PRRG4: variants seen among roughly 807,000 people sequenced by gnomAD.
PRRG4 encodes the protein transmembrane gamma-carboxyglutamic acid protein 4.
PRRG4 carries 12 observed loss-of-function variants against 20.0 expected under a neutral mutation model. That is an observed-to-expected ratio of 0.60 (90% CI 0.38 to 0.97). The LOEUF (loss-of-function observed/expected upper bound fraction) is 0.97, where lower values mean the gene tolerates loss of function less well. Ranked by LOEUF, PRRG4 falls within the 50% of genes least tolerant of loss-of-function variation. The pLI is 0.00. For missense variants in PRRG4, 199 were observed against 265.1 expected (o/e 0.75, Z 1.73); for synonymous variants, 94 against 96.4 (o/e 0.98, Z 0.15).
chr11:32,839,033 C>T (rs190432598), intron 4 of PRRG4, 103 bp downstream of exon 4: 632 of 760,308 alleles, frequency 8.3e-4, no homozygotes, highest in Non-Finnish European at 1.2e-3. Context: ...AACATACATA[C>T]CTTATAAATC....
At chr11:32,830,322 G>T in intron 1 of PRRG4, 149 bp downstream of exon 1, 1 of 852,346 alleles carries the variant, frequency 1.2e-6, no homozygotes, top group South Asian at 3.6e-5. Context: ...TGGGCACGGC[G>T]TTTGTCCCAG....
chr11:32,851,601 A>G (rs1177064046), intron 5 of PRRG4, among the ~76,000 whole-genome samples: 1 of 152,166 alleles, frequency 6.6e-6, no homozygotes, highest in Non-Finnish European at 1.5e-5. Context: ...TCCAATTCAG[A>G]TCTCATTATT....
rs1273512273 is a variant in PRRG4, at chr11:32,843,209, T to C, written c.449+2970T>C. On this transcript the variant is annotated intron_variant, in intron 5 of 5. Transcript: ENST00000257836. ...TAATTGCTTAAAAAATCATTTCCAT[T>C]GTGATAAGAGCATCTGAAAATGTGC... Among the ~76,000 whole-genome samples, 3 of 152,136 alleles carry C rather than the reference T, an allele frequency of 2.0e-5. No individual in the cohort carries two copies. The East Asian group carries it at 5.8e-4, about 29-fold the overall frequency.
At chr11:32,852,947 T>C (rs1851196407) in intron 5 of PRRG4, among the ~76,000 whole-genome samples, 1 of 144,542 alleles carries the variant, frequency 6.9e-6, no homozygotes, top group South Asian at 2.2e-4. Flanking sequence ...TAATTTTTTT[T>C]TTTTTTTTTT....
At chr11:32,843,324 A>T (rs913337439) in intron 5 of PRRG4, among the ~76,000 whole-genome samples, 1 of 152,114 alleles carries the variant, frequency 6.6e-6, no homozygotes, top group African/African-American at 2.4e-5. Flanking sequence ...TTCAAATATT[A>T]TAGAAAGGTA....
intron 4 of PRRG4, among the ~76,000 whole-genome samples, chr11:32,839,144 A>G (rs950046742): frequency 3.3e-5 from 5 of 152,222 alleles, no homozygotes; most frequent in Non-Finnish European, 7.3e-5. Flanking sequence ...ATACTAGGAA[A>G]ATGAGATAAT....
At chr11:32,831,106 C>A (rs1326881419) in intron 2 of PRRG4, among the ~76,000 whole-genome samples, 1 of 152,026 alleles carries the variant, frequency 6.6e-6, no homozygotes, top group Non-Finnish European at 1.5e-5. Context: ...TCTCTGAGGT[C>A]CTTTTTGACT....
intron 3 of PRRG4, among the ~76,000 whole-genome samples, chr11:32,838,070 C>T (rs1851040917): frequency 6.6e-6 from 1 of 152,080 alleles, no homozygotes; most frequent in Non-Finnish European, 1.5e-5. Flanking sequence ...ATAATTTTAT[C>T]ATAGTTCCTT....
At chr11:32,846,934 G>T (rs1314054355) in intron 5 of PRRG4, among the ~76,000 whole-genome samples, 1 of 151,602 alleles carries the variant, frequency 6.6e-6, no homozygotes, top group Non-Finnish European at 1.5e-5. Flanking sequence ...GGAGGCAGAG[G>T]TTGCAGTGAG....
chr11:32,841,003 A>G (rs1851072081), intron 5 of PRRG4, among the ~76,000 whole-genome samples: 2 of 152,166 alleles, frequency 1.3e-5, no homozygotes, highest in South Asian at 4.1e-4. Flanking sequence ...CAGCATCCCT[A>G]TTGAAATAAA....
intron 3 of PRRG4, among the ~76,000 whole-genome samples, chr11:32,838,648 A>G (rs1325353527): frequency 6.6e-6 from 1 of 152,092 alleles, no homozygotes; most frequent in Non-Finnish European, 1.5e-5. Context: ...TAGTAGGCAC[A>G]GTAGTAAAGA....
chr11:32,856,345 A>G lies in PRRG4; in HGVS notation c.*2818A>G, dbSNP rs192349382. 388 of 152,310 alleles carry G rather than the reference A, an allele frequency of 2.5e-3. 1 individual carries two copies. Among genetic ancestry groups the G allele is most frequent in the Middle Eastern group, 0.01 (3 of 298 alleles). 9.4% of individuals were successfully genotyped at this position (152,310 alleles called of 1,614,324 possible). A position where few individuals can be genotyped will look rare whatever the true frequency, so the allele number is the denominator to read the frequency against. On this transcript the variant is annotated 3_prime_UTR_variant, in exon 6 of 6. Coordinates refer to ENST00000257836, the MANE Select transcript of PRRG4 (RefSeq NM_024081.6). ...AACTTGAATGAGTCTAGAATTCATC[A>G]TTAAGATTGTGATATTTATAGAGCA...
intron 5 of PRRG4, among the ~76,000 whole-genome samples, chr11:32,847,578 A>G (rs1374874869): frequency 6.6e-6 from 1 of 152,224 alleles, no homozygotes; most frequent in African/African-American, 2.4e-5. Context: ...GCCACTGTGG[A>G]AAAGTTTGAC....
intron 5 of PRRG4, among the ~76,000 whole-genome samples, chr11:32,847,968 G>A (rs1371169267): frequency 6.6e-6 from 1 of 152,194 alleles, no homozygotes; most frequent in Non-Finnish European, 1.5e-5. Flanking sequence ...GAGACAAAAA[G>A]TAGATTAGAG....
intron 5 of PRRG4, among the ~76,000 whole-genome samples, chr11:32,846,569 A>G (rs1851132409): frequency 6.6e-6 from 1 of 152,186 alleles, no homozygotes; most frequent in African/African-American, 2.4e-5. Context: ...TTTCTTAAGT[A>G]ATGTGTACTA....
chr11:32,839,510 A>G (rs542668407), intron 4 of PRRG4, among the ~76,000 whole-genome samples: 1 of 151,994 alleles, frequency 6.6e-6, no homozygotes, highest in African/African-American at 2.4e-5. Flanking sequence ...ATACCAAAGT[A>G]TGTCTAGTTG....
In PRRG4 at chr11:32,854,961, G is replaced by C. The variant is rs982384455; in HGVS notation, c.*1434G>C. 4.6e-5 allele frequency: 7 copies of C among 152,188 alleles called. No homozygotes were observed. The highest frequency in any genetic ancestry group is 3.9e-4 in the Admixed American group (6 of 15,278). The allele number at this position is 152,188 out of a possible 1,614,324, so 9.4% of individuals were successfully genotyped here. On this transcript the variant is annotated 3_prime_UTR_variant, in exon 6 of 6. Coordinates refer to ENST00000257836, the MANE Select transcript of PRRG4 (RefSeq NM_024081.6). ...ATGAAGTTGCCCCTGTTACTGATTA[G>C]TAAATACTCCCATCTTCGTTGCAAA...
intron 5 of PRRG4, among the ~76,000 whole-genome samples, chr11:32,842,457 A>C (rs1390194980): frequency 6.6e-6 from 1 of 152,198 alleles, no homozygotes; most frequent in Non-Finnish European, 1.5e-5. Flanking sequence ...GCAGTGGCTC[A>C]CACCTGTAAT....
In PRRG4 at chr11:32,854,990, A is replaced by C. The variant is rs530639406; in HGVS notation, c.*1463A>C. On this transcript the variant is annotated 3_prime_UTR_variant, in exon 6 of 6. Coordinates refer to ENST00000257836, the MANE Select transcript of PRRG4 (RefSeq NM_024081.6). ...ATACTCCCATCTTCGTTGCAAAATT[A>C]TCTCTCTGTATAACTACATATGATT... The C allele has an allele frequency of 5.3e-5, 8 of 152,322 alleles. No homozygotes were observed. In the East Asian group the frequency reaches 1.3e-3, roughly 26 times the overall value. The allele number at this position is 152,322 out of a possible 1,614,324, so 9.4% of individuals were successfully genotyped here. A position where few individuals can be genotyped will look rare whatever the true frequency, so the allele number is the denominator to read the frequency against.
Sources: gnomAD v4.1 joint callset for allele counts (sites outside exome capture counted in the v4.1 genomes callset) on GRCh38, gnomAD v4.1.1 for gene constraint, MANE v1.5 for transcripts, NCBI Gene and HGNC (gene_info 2026-07-23, HGNC 2026-07-21) for gene names.